The following AKAP13 variants were observed in gnomAD, a reference collection of about 807,000 sequenced individuals.
The protein encoded by AKAP13 is A-kinase anchor protein 13.
A neutral mutation model predicts 264.5 loss-of-function variants in AKAP13; 80 were observed. The ratio of observed to expected loss-of-function variants is 0.30; its 90% CI spans 0.25 to 0.36. AKAP13 has a LOEUF of 0.36. Ranked by LOEUF, AKAP13 falls within the 10% of genes least tolerant of loss-of-function variation. The probability of loss-of-function intolerance (pLI) is 1.00; values close to 1 mark genes in which losing one functional copy is unlikely to be tolerated. For missense variants in AKAP13, 3,712 were observed against 3,435.2 expected, an observed-to-expected ratio of 1.08 and a Z score of -2.01; for synonymous variants, 1,380 against 1,250.2, an observed-to-expected ratio of 1.10 and a Z score of -2.19.
chr15:85,662,320 T>G (rs532263692), intron 12 of AKAP13: 2 of 1,553,890 alleles, frequency 1.3e-6, no homozygotes, highest in Non-Finnish European at 1.8e-6. Flanking sequence ...TTTTTAAACC[T>G]AATAACCCCA....
chr15:85,723,933 G>T (rs140589158), intron 26 of AKAP13, among the ~76,000 whole-genome samples: 2 of 152,116 alleles, frequency 1.3e-5, no homozygotes, highest in African/African-American at 4.8e-5. Context: ...ATAGTCAGCC[G>T]TATCAAGTTA....
intron 1 of AKAP13, among the ~76,000 whole-genome samples, chr15:85,434,558 C>T (rs1250666616): frequency 4.6e-5 from 7 of 152,106 alleles, no homozygotes; most frequent in African/African-American, 1.7e-4. Flanking sequence ...CCTCTGCAGA[C>T]TTAAGTGTCC....
intron 2 of AKAP13, among the ~76,000 whole-genome samples, chr15:85,491,404 A>G (rs142219405): frequency 0.016 from 2,368 of 151,520 alleles, 74 homozygotes; most frequent in African/African-American, 0.054. Flanking sequence ...TGAGGAAAAA[A>G]TAGTTTTAGT....
intron 8 of AKAP13, among the ~76,000 whole-genome samples, chr15:85,588,069 C>T (rs530240082): frequency 6.6e-5 from 10 of 152,064 alleles, no homozygotes; most frequent in Admixed American, 1.3e-4. Context: ...ACTCATGCTG[C>T]CCCTTTGAAA....
chr15:85,453,833 C>A (rs1468932192), intron 1 of AKAP13, among the ~76,000 whole-genome samples: 1 of 152,122 alleles, frequency 6.6e-6, no homozygotes, highest in Non-Finnish European at 1.5e-5. Context: ...GCTGGAGGCC[C>A]AGGTTGGGAG....
intron 8 of AKAP13, among the ~76,000 whole-genome samples, chr15:85,601,968 G>A (rs2080102291): frequency 6.6e-6 from 1 of 151,694 alleles, no homozygotes; most frequent in African/African-American, 2.4e-5. Context: ...AAAATATTTG[G>A]ATTCTTACAT....
chr15:85,451,578 G>T (rs1055855938), intron 1 of AKAP13, among the ~76,000 whole-genome samples: 1 of 152,190 alleles, frequency 6.6e-6, no homozygotes, highest in Non-Finnish European at 1.5e-5. Flanking sequence ...TGGTAATGAA[G>T]TCTCTCGACA....
intron 2 of AKAP13, among the ~76,000 whole-genome samples, chr15:85,520,168 A>AT (rs1410295876): frequency 7.2e-6 from 1 of 139,034 alleles, no homozygotes; most frequent in Non-Finnish European, 1.7e-5. Flanking sequence ...ACTGGCCTTG[A>AT]TTTAAAAAAA....
intron 3 of AKAP13, among the ~76,000 whole-genome samples, chr15:85,527,157 G>T (rs959367918): frequency 6.6e-6 from 1 of 152,046 alleles, no homozygotes; most frequent in African/African-American, 2.4e-5. Context: ...TAGAGACGGG[G>T]TTTCACCGTG....
chr15:85,588,839 T>G (rs998340114), intron 8 of AKAP13, among the ~76,000 whole-genome samples: 1 of 152,158 alleles, frequency 6.6e-6, no homozygotes, highest in Non-Finnish European at 1.5e-5. Context: ...ACAGGGCGAT[T>G]CCTCCTTGAC....
chr15:85,457,667 C>T (rs997837281), intron 1 of AKAP13, among the ~76,000 whole-genome samples: 1 of 152,210 alleles, frequency 6.6e-6, no homozygotes, highest in Non-Finnish European at 1.5e-5. Context: ...CTTTTGCTTA[C>T]TATGTCTGTC....
At chr15:85,548,597 A>C (rs1364754458) in intron 5 of AKAP13, among the ~76,000 whole-genome samples, 1 of 152,168 alleles carries the variant, frequency 6.6e-6, no homozygotes, top group Non-Finnish European at 1.5e-5. Flanking sequence ...ATTTTAACTA[A>C]AAAAAGATTG....
intron 4 of AKAP13, among the ~76,000 whole-genome samples, chr15:85,541,746 T>C (rs1202142868): frequency 2.0e-5 from 3 of 151,722 alleles, no homozygotes; most frequent in Non-Finnish European, 4.4e-5. Context: ...ATGGAAAAAG[T>C]TGACATAAAC....
intron 5 of AKAP13, among the ~76,000 whole-genome samples, chr15:85,547,215 T>C (rs2077782850): frequency 6.6e-6 from 1 of 152,250 alleles, no homozygotes; most frequent in Admixed American, 6.5e-5. Flanking sequence ...TTCTACACTT[T>C]ACTGAAAAGT....
intron 8 of AKAP13, among the ~76,000 whole-genome samples, chr15:85,632,935 G>C (rs951071778): frequency 1.1e-4 from 17 of 151,892 alleles, no homozygotes; most frequent in Admixed American, 1.1e-3. Flanking sequence ...GCGTGATCTT[G>C]GCTCACTGCA....
At chr15:85,408,595 GCTTA>G (rs1200624154) in intron 1 of AKAP13, among the ~76,000 whole-genome samples, 1 of 151,762 alleles carries the variant, frequency 6.6e-6, no homozygotes, top group Non-Finnish European at 1.5e-5. Flanking sequence ...CTTGTGACTG[GCTTA>G]CTTCACTTAG....
At chr15:85,715,394 TAAC>T (rs1156838764) in intron 19 of AKAP13, among the ~76,000 whole-genome samples, 1 of 152,212 alleles carries the variant, frequency 6.6e-6, no homozygotes, top group Non-Finnish European at 1.5e-5. Flanking sequence ...ACTTTGGACA[TAAC>T]ATCATTTCAC....
chr15:85,637,980 G>A (rs976534652), intron 8 of AKAP13, among the ~76,000 whole-genome samples: 8 of 140,062 alleles, frequency 5.7e-5, no homozygotes, highest in African/African-American at 1.7e-4. Flanking sequence ...GGTTCATGCC[G>A]TTCTGCCTCA....
intron 5 of AKAP13, among the ~76,000 whole-genome samples, chr15:85,567,412 G>C (rs1040581760): frequency 3.9e-5 from 6 of 152,168 alleles, no homozygotes; most frequent in African/African-American, 1.4e-4. Context: ...AGCCACAAGT[G>C]CGGTTTTGTT....
Sources: allele counts gnomAD v4.1 joint callset (sites outside exome capture counted in the v4.1 genomes callset), GRCh38; gene constraint gnomAD v4.1.1; transcripts MANE v1.5; gene names NCBI Gene and HGNC (gene_info 2026-07-23, HGNC 2026-07-21).